LAS1L: variants seen among roughly 807,000 people sequenced by gnomAD.
LAS1L encodes LAS1 like ribosome biogenesis factor.
LAS1L carries 5 observed loss-of-function variants against 57.3 expected under a neutral mutation model. The observed-to-expected ratio is 0.09, with a 90% CI of 0.05 to 0.18. The LOEUF (loss-of-function observed/expected upper bound fraction) is 0.18. LAS1L is among the 10% of genes least tolerant of loss of function. The probability of loss-of-function intolerance (pLI) is 1.00; values close to 1 mark genes in which losing one functional copy is unlikely to be tolerated. For synonymous variants in LAS1L, 245 were observed against 231.7 expected (o/e 1.06, Z -0.52); for missense variants, 360 against 568.3 (o/e 0.63, Z 3.73).
chrX:65,534,418 G>C, intron 1 of LAS1L, 62 bp downstream of exon 1: 1 of 884,342 alleles, frequency 1.1e-6, no homozygotes, highest in Non-Finnish European at 1.5e-6. Flanking sequence ...ATAGAAACTC[G>C]ACAAAGGAAG....
At chrX:65,531,471 T>C (rs1192785074) in intron 3 of LAS1L, 33 bp from the exon 4 acceptor site, 2 of 1,029,078 alleles carry the variant, frequency 1.9e-6, no homozygotes, top group East Asian at 3.0e-5. Flanking sequence ...GTACAGAAAT[T>C]GGAAAATAAT....
intron 11 of LAS1L, chrX:65,518,929 G>A (rs2068744395): frequency 2.7e-6 from 2 of 752,359 alleles, no homozygotes; most frequent in South Asian, 6.8e-5. Context: ...GCCTGGAAGT[G>A]TTCTGTGCTC....
intron 7 of LAS1L, among the ~76,000 whole-genome samples, chrX:65,527,938 G>C (rs748966933): frequency 8.9e-6 from 1 of 112,394 alleles, no homozygotes; most frequent in Non-Finnish European, 1.9e-5. Context: ...CAGTGAGTGA[G>C]GTGGTAATTA....
chrX:65,526,059 C>T (rs1172333401), intron 7 of LAS1L, among the ~76,000 whole-genome samples: 1 of 111,252 alleles, frequency 9.0e-6, no homozygotes, highest in African/African-American at 3.3e-5. Context: ...TAAAAAAGAG[C>T]CTGACATCTC....
At chrX:65,524,542 T>C (rs1378460070) in intron 9 of LAS1L, 22 bp downstream of exon 9, 2 of 522,625 alleles carry the variant, frequency 3.8e-6, no homozygotes, top group Non-Finnish European at 7.0e-6. Context: ...TGGTTCTAGC[T>C]TCAGCTTTGT....
At chrX:65,523,415 G>A in intron 11 of LAS1L, 145 bp downstream of exon 11, 1 of 567,769 alleles carries the variant, frequency 1.8e-6, no homozygotes, top group South Asian at 4.9e-5. Context: ...CCCCTCTCTG[G>A]ACTCAGTTGT....
intron 7 of LAS1L, among the ~76,000 whole-genome samples, chrX:65,526,864 T>C (rs768312632): frequency 9.0e-6 from 1 of 111,156 alleles, no homozygotes; most frequent in Admixed American, 9.6e-5. Flanking sequence ...CCCGCCTCTA[T>C]TCCCCTAACC....
chrX:65,533,498 C>T, intron 2 of LAS1L, 112 bp downstream of exon 2: 1 of 671,170 alleles, frequency 1.5e-6, no homozygotes, highest in Non-Finnish European at 2.3e-6. Context: ...CAGTGAGGTA[C>T]ACGCAGGGTT....
At chrX:65,513,244 C>T (rs374475942) in intron 13 of LAS1L, among the ~76,000 whole-genome samples, 1 of 112,543 alleles carries the variant, frequency 8.9e-6, no homozygotes. Flanking sequence ...GCTGCCTTAA[C>T]AGGACATCCT....
At chrX:65,514,414 C>T (rs2068551661) in intron 13 of LAS1L, among the ~76,000 whole-genome samples, 1 of 110,730 alleles carries the variant, frequency 9.0e-6, no homozygotes, top group Non-Finnish European at 1.9e-5. Context: ...GTTTTCTCCT[C>T]AGTAACGTGA....
intron 12 of LAS1L, among the ~76,000 whole-genome samples, chrX:65,516,261 T>C: frequency 9.0e-6 from 1 of 111,328 alleles, no homozygotes. Flanking sequence ...ATGTCCTGCA[T>C]TACTCCATGA....
In LAS1L at chrX:65,518,385, C is replaced by T. The variant is rs2068726305; in HGVS notation, c.1529G>A (p.Ser510Asn). 2 of 1,211,113 alleles carry T rather than the reference C, an allele frequency of 1.7e-6. No homozygotes were observed. The highest frequency in any genetic ancestry group is 2.2e-6 in the Non-Finnish European group (2 of 895,511). The part of the protein sequence containing the change: ...LLRICSIYTQ[S>N]GENSLVQEGS... ...CTCCTGCACCAGGCTGTTTTCTCCA[C>T]TCTGGGTATAAATGGAACAGATGCG... The change falls in exon 12 of 14, where the codon AGT (serine) becomes AAT (asparagine). Residue 510 changes from serine (S) to asparagine (N), a missense_variant. Physicochemically the swap from Ser to Asn is conservative, Grantham distance 46. Coordinates refer to ENST00000374811, the MANE Select transcript of LAS1L (RefSeq NM_031206.7).
At chrX:65,528,428 C>A in intron 6 of LAS1L, 59 bp from the exon 7 acceptor site, 1 of 664,481 alleles carries the variant, frequency 1.5e-6, no homozygotes. Flanking sequence ...CACCTCCACC[C>A]CTCCAGGATC....
At position 65,532,545 on chromosome X, in the gene LAS1L, A is replaced by C; in HGVS notation, c.432+16T>G. The C allele has an allele frequency of 8.4e-7, 1 of 1,184,798 alleles. No individual in the cohort carries two copies. Among genetic ancestry groups the C allele is most frequent in the South Asian group, 1.8e-5 (1 of 56,314 alleles). Reference sequence around the variant, plus strand: ...CTTGGAGACAGAATTGAGCAAGTTCACTGAATCATACGCACCTCTTGAGCC... The same window carrying C: ...CTTGGAGACAGAATTGAGCAAGTTCCCTGAATCATACGCACCTCTTGAGCC... On this transcript the variant is annotated intron_variant, in intron 3 of 13. Transcript: ENST00000374811.
At chrX:65,518,985 C>T in intron 11 of LAS1L, 1 of 749,361 alleles carries the variant, frequency 1.3e-6, no homozygotes. Context: ...GGAGCAGCTA[C>T]AGCCCAGCCT....
Position 65,514,896 on chromosome X carries a change from T to A in LAS1L, c.2005A>T (p.Asn669Tyr). 4 of 1,210,297 alleles carry A rather than the reference T, an allele frequency of 3.3e-6. No individual in the cohort carries two copies. Among genetic ancestry groups the A allele is most frequent in the Non-Finnish European group, 4.5e-6 (4 of 894,574 alleles). The change falls in exon 13 of 14, where the codon AAT becomes TAT. Residue 669 changes from asparagine to tyrosine, a missense_variant. Around this residue, in one of 7 missense-constraint regions of LAS1L, gnomAD observed 123 missense variants for 168.3 expected, o/e 0.73. Transcript: ENST00000374811. The part of the protein sequence containing the change: ...TEDPAELMLE[N>Y]YDTMYLLDQP... ...TCCAAAAGATACATGGTGTCATAAT[T>A]CTCCAGCATGAGCTCTGCTGGGTCC...
In LAS1L at chrX:65,534,464, G is replaced by C; in HGVS notation, c.236+16C>G. 8.5e-7 allele frequency: 1 copy of C among 1,170,442 alleles called. No homozygotes were observed. Among genetic ancestry groups the C allele is most frequent in the Non-Finnish European group, 1.2e-6 (1 of 867,314 alleles). On this transcript the variant is annotated intron_variant, in intron 1 of 13. Coordinates refer to ENST00000374811, the MANE Select transcript of LAS1L (RefSeq NM_031206.7). ...CCACCAGCACGCAGGCAAAAGGGCC[G>C]AACCCGCCACCTTACCTGCTCCTCC... is the stretch of plus-strand genomic sequence containing the variant.
rs897331738 is a variant in LAS1L, at chrX:65,521,082, C to T, written c.1448+2478G>A. On this transcript the variant is annotated intron_variant, in intron 11 of 13. Transcript: ENST00000374811. ...ATCTGGCAATGTGGCTGTTCAGTTCCAACTCCTGGAAGTCTTGCCTTGACT... is the reference window on the plus strand; with the variant it reads ...ATCTGGCAATGTGGCTGTTCAGTTCTAACTCCTGGAAGTCTTGCCTTGACT... 11 of 747,600 alleles carry T rather than the reference C, an allele frequency of 1.5e-5. No homozygotes were observed. In the African/African-American group the frequency reaches 2.6e-4, roughly 18 times the overall value. 61.6% of individuals were successfully genotyped at this position (747,600 alleles called of 1,213,427 possible).
Position 65,518,102 on chromosome X carries a change from GTCTTCC to G in LAS1L, c.1806_1811del (p.Glu602_Glu603del), listed in dbSNP as rs1306605869. 2 of 1,205,914 alleles carry G rather than the reference GTCTTCC, an allele frequency of 1.7e-6. No homozygotes were observed. Among genetic ancestry groups the G allele is most frequent in the Middle Eastern group, 2.3e-4 (1 of 4,368 alleles). On this transcript the variant is annotated inframe_deletion, in exon 12 of 14. Coordinates refer to ENST00000374811, the MANE Select transcript of LAS1L (RefSeq NM_031206.7). ...TAGAGAAAGGCCCCACCTCCATTCT[GTCTTCC>G]TCTTCATCATCTTCATCATCTTCAT...
Sources: gnomAD v4.1 joint callset for allele counts (sites outside exome capture counted in the v4.1 genomes callset) on GRCh38, gnomAD v4.1.1 for gene constraint, gnomAD v4.1.1 regional missense constraint, MANE v1.5 for transcripts, NCBI Gene and HGNC (gene_info 2026-07-23, HGNC 2026-07-21) for gene names.